The following RASSF3 variants were observed in gnomAD, a reference collection of about 807,000 sequenced individuals.
The protein encoded by RASSF3 is Ras association domain family member 3, also known as ras association domain-containing protein 3.
In RASSF3, 19 loss-of-function variants were observed where a neutral mutation model predicts 19.9. The observed-to-expected ratio is 0.96, with a 90% confidence interval of 0.67 to 1.40. The LOEUF (loss-of-function observed/expected upper bound fraction) is 1.40, where lower values mean the gene tolerates loss of function less well. Among genes scored for constraint, RASSF3 ranks in the 40% most tolerant of loss-of-function variants. RASSF3 has a pLI of 0.00. For missense variants in RASSF3, 306 were observed against 289.8 expected, an observed-to-expected ratio of 1.06 and a Z score of -0.41; for synonymous variants, 110 against 104.2, an observed-to-expected ratio of 1.06 and a Z score of -0.34.
At chr12:64,611,424 T>G (rs988370970) in intron 1 of RASSF3, 1 of 152,280 alleles carries the variant, frequency 6.6e-6, no homozygotes, top group Non-Finnish European at 1.5e-5. Context: ...GGTTTCTTCC[T>G]TTTTTGGAGG....
intron 1 of RASSF3, among the ~76,000 whole-genome samples, chr12:64,633,749 G>T (rs1871239232): frequency 6.6e-6 from 1 of 152,176 alleles, no homozygotes; most frequent in South Asian, 2.1e-4. Flanking sequence ...AATAGGCAGA[G>T]ATTAGAAGAG....
At chr12:64,690,680 C>A (rs1396216276) in intron 3 of RASSF3, among the ~76,000 whole-genome samples, 1 of 150,826 alleles carries the variant, frequency 6.6e-6, no homozygotes, top group Non-Finnish European at 1.5e-5. Flanking sequence ...AGACCAGGGT[C>A]CTGCTATGTT....
chr12:64,549,419 T>C (rs948317939), intron 2 of RASSF3, among the ~76,000 whole-genome samples: 7 of 152,238 alleles, frequency 4.6e-5, no homozygotes, highest in African/African-American at 1.7e-4. Flanking sequence ...CTTTGTTGTA[T>C]GTTTGTTTCC....
chr12:64,693,541 C>T (rs146654257), intron 4 of RASSF3, among the ~76,000 whole-genome samples: 4,236 of 152,168 alleles, frequency 0.028, 206 homozygotes, highest in African/African-American at 0.097. Context: ...ACCTCAGCCT[C>T]CCAAGTAACT....
At chr12:64,692,651 C>G (rs1192830168) in intron 4 of RASSF3, among the ~76,000 whole-genome samples, 5 of 152,176 alleles carry the variant, frequency 3.3e-5, no homozygotes, top group African/African-American at 4.8e-5. Flanking sequence ...TTAGCATAGT[C>G]TACTCAGTGT....
chr12:64,645,021 A>C (rs1871681764), intron 1 of RASSF3, among the ~76,000 whole-genome samples: 1 of 152,184 alleles, frequency 6.6e-6, no homozygotes, highest in Non-Finnish European at 1.5e-5. Flanking sequence ...TGATCACGCC[A>C]CTGCACTCCA....
intron 1 of RASSF3, among the ~76,000 whole-genome samples, chr12:64,666,718 C>T (rs550940163): frequency 6.6e-6 from 1 of 152,270 alleles, no homozygotes; most frequent in Admixed American, 6.5e-5. Flanking sequence ...TTCCTTATCC[C>T]GCCACTGTCC....
At chr12:64,618,216 A>G (rs1158913423) in intron 1 of RASSF3, among the ~76,000 whole-genome samples, 1 of 152,196 alleles carries the variant, frequency 6.6e-6, no homozygotes, top group African/African-American at 2.4e-5. Flanking sequence ...CTGGGCCCAC[A>G]TGATCCTCCT....
intron 1 of RASSF3, among the ~76,000 whole-genome samples, chr12:64,525,739 CT>C (rs34551684): frequency 6.6e-6 from 1 of 150,622 alleles, no homozygotes; most frequent in Non-Finnish European, 1.5e-5. Context: ...TCAAAGTCTA[CT>C]TTTTTTTTTG....
chr12:64,577,414 C>A (rs1187946557), intron 2 of RASSF3, among the ~76,000 whole-genome samples: 1 of 152,174 alleles, frequency 6.6e-6, no homozygotes, highest in South Asian at 2.1e-4. Flanking sequence ...CTTGAGAAAT[C>A]GGTGTTGTCT....
intron 1 of RASSF3, among the ~76,000 whole-genome samples, chr12:64,675,047 C>CCG (rs1872837282): frequency 9.4e-6 from 1 of 106,858 alleles, no homozygotes; most frequent in Non-Finnish European, 1.9e-5. Context: ...CCCACCTAGC[C>CCG]CCCCCCCCCC....
chr12:64,670,838 C>G (rs1202685338), intron 1 of RASSF3, among the ~76,000 whole-genome samples: 1 of 152,110 alleles, frequency 6.6e-6, no homozygotes, highest in East Asian at 1.9e-4. Flanking sequence ...CTCAGCTTTC[C>G]TCCTTTCTTT....
chr12:64,606,679 G>A (rs1269288931), upstream of RASSF3, among the ~76,000 whole-genome samples: 1 of 152,104 alleles, frequency 6.6e-6, no homozygotes, highest in Non-Finnish European at 1.5e-5. Context: ...GCCGGGTGAG[G>A]CGGTGCGTGC....
chr12:64,662,785 G>C (rs1427430135), intron 1 of RASSF3, among the ~76,000 whole-genome samples: 3 of 152,142 alleles, frequency 2.0e-5, no homozygotes, highest in Non-Finnish European at 4.4e-5. Context: ...GTTGAAATGG[G>C]ACTCCCTGGT....
upstream of RASSF3, among the ~76,000 whole-genome samples, chr12:64,607,735 T>C (rs573337630): frequency 3.9e-5 from 6 of 152,138 alleles, no homozygotes; most frequent in South Asian, 1.2e-3. Flanking sequence ...CATTATTTGA[T>C]CATGGCTTTT....
intron 2 of RASSF3, among the ~76,000 whole-genome samples, chr12:64,561,469 C>A (rs1461289110): frequency 6.6e-6 from 1 of 152,146 alleles, no homozygotes; most frequent in African/African-American, 2.4e-5. Flanking sequence ...TCTCCCTGAC[C>A]TCCTGCATCA....
chr12:64,676,977 A>G (rs1298975090), intron 1 of RASSF3, among the ~76,000 whole-genome samples: 1 of 152,104 alleles, frequency 6.6e-6, no homozygotes, highest in Non-Finnish European at 1.5e-5. Context: ...TGTGTTGCCC[A>G]GGCTGGTATT....
intron 2 of RASSF3, among the ~76,000 whole-genome samples, chr12:64,570,252 A>T (rs1020312146): frequency 1.6e-4 from 24 of 152,278 alleles, no homozygotes; most frequent in African/African-American, 5.5e-4. Context: ...TGATTTAATT[A>T]AAAAATGGGC....
At chr12:64,693,012 G>A (rs537638858) in intron 4 of RASSF3, among the ~76,000 whole-genome samples, 1 of 152,266 alleles carries the variant, frequency 6.6e-6, no homozygotes, top group South Asian at 2.1e-4. Flanking sequence ...TAGCTGTTAG[G>A]GGGTGGGAGG....
Sources: allele counts gnomAD v4.1 joint callset (sites outside exome capture counted in the v4.1 genomes callset), GRCh38; gene constraint gnomAD v4.1.1; transcripts MANE v1.5; gene names NCBI Gene and HGNC (gene_info 2026-07-23, HGNC 2026-07-21).